MUSK: variants seen among roughly 807,000 people sequenced by gnomAD.
The protein encoded by MUSK is muscle associated receptor tyrosine kinase.
Under a neutral mutation model 88.7 loss-of-function variants are expected in MUSK, and 55 were observed. The observed-to-expected ratio is 0.62, with a 90% confidence interval of 0.50 to 0.78. The LOEUF (loss-of-function observed/expected upper bound fraction) is 0.78. MUSK is among the 30% of genes least tolerant of loss of function. The probability of loss-of-function intolerance (pLI) is 0.00; values close to 1 mark genes in which losing one functional copy is unlikely to be tolerated. For synonymous variants in MUSK, 387 were observed against 391.9 expected (o/e 0.99, Z 0.15); for missense variants, 1,015 against 1,074.3 (o/e 0.94, Z 0.77).
rs915555051 is a variant in MUSK at position 110,670,912 on chromosome 9, A to C, written c.79+1929A>C. The stretch of plus-strand genomic sequence containing the variant: ...GAAAGCATAATCCTTAAAATTTTAA[A>C]TGTTGAAGGGTGAGGAATACATTGG... On this transcript the variant is annotated intron_variant, in intron 1 of 14. Transcript: ENST00000374448. Among the ~76,000 whole-genome samples the C allele has an allele frequency of 5.9e-5, 9 of 152,252 alleles. No individual in the cohort carries two copies. The South Asian group carries it at 1.9e-3, about 32-fold the overall frequency.
Position 110,676,458 on chromosome 9 carries a change from C to T in MUSK, c.80-6216C>T, listed in dbSNP as rs568832345. On this transcript the variant is annotated intron_variant, in intron 1 of 14. Coordinates refer to ENST00000374448, the MANE Select transcript of MUSK (RefSeq NM_005592.4). ...TGTGCAGTTTTGTTACATAGGTAAA[C>T]GTGTGCCATGGTGGTTTGCTGCACC... is the stretch of plus-strand genomic sequence containing the variant. Among the ~76,000 whole-genome samples the T allele has an allele frequency of 1.5e-4, 22 of 151,286 alleles. 1 individual carries two copies. Among genetic ancestry groups the T allele is most frequent in the South Asian group, 2.1e-4 (1 of 4,764 alleles).
intron 6 of MUSK, among the ~76,000 whole-genome samples, chr9:110,741,393 C>A (rs10980549): frequency 0.13 from 20,022 of 151,946 alleles, 1,654 homozygotes; most frequent in East Asian, 0.31. Context: ...AAGCAGGGTG[C>A]CCTAGGAAGA....
At chr9:110,690,274 A>AT (rs1349136338) in intron 3 of MUSK, among the ~76,000 whole-genome samples, 2 of 87,410 alleles carry the variant, frequency 2.3e-5, no homozygotes, top group African/African-American at 1.2e-4. Context: ...ATTTAAGTAC[A>AT]AATATATAAA....
At chr9:110,743,672 G>A (rs2077132094) in intron 6 of MUSK, among the ~76,000 whole-genome samples, 1 of 152,102 alleles carries the variant, frequency 6.6e-6, no homozygotes, top group African/African-American at 2.4e-5. Context: ...TTCTTAAAGG[G>A]AGGCATATCT....
chr9:110,800,027 A>G (rs1199864526), intron 14 of MUSK, among the ~76,000 whole-genome samples: 1 of 152,164 alleles, frequency 6.6e-6, no homozygotes, highest in Non-Finnish European at 1.5e-5. Flanking sequence ...ACCATGTACG[A>G]TGTACTTATG....
intron 3 of MUSK, among the ~76,000 whole-genome samples, chr9:110,689,981 A>ATTAT (rs1564218733): frequency 1.4e-5 from 1 of 72,414 alleles, no homozygotes; most frequent in African/African-American, 6.2e-5. Flanking sequence ...TTATATTATA[A>ATTAT]ATATTATAAT....
chr9:110,713,848 T>C (rs1323922842), intron 5 of MUSK, among the ~76,000 whole-genome samples: 1 of 152,168 alleles, frequency 6.6e-6, no homozygotes, highest in East Asian at 1.9e-4. Context: ...GCAGGCATCT[T>C]CCAGAGCTTA....
In MUSK at chr9:110,775,741, T is replaced by C. The variant is rs755250965; in HGVS notation, c.1185-47T>C. 1.9e-6 allele frequency: 3 copies of C among 1,576,916 alleles called. No homozygotes were observed. The South Asian group carries it at 3.3e-5, about 17-fold the overall frequency. On this transcript the variant is annotated intron_variant, in intron 9 of 14. Coordinates refer to ENST00000374448, the MANE Select transcript of MUSK (RefSeq NM_005592.4). ...TTTAGGCTCTGCCACAAATTTGCTTTAACATGTAATGATTCATCAAGTTTT... is the reference window on the plus strand; with the variant it reads ...TTTAGGCTCTGCCACAAATTTGCTTCAACATGTAATGATTCATCAAGTTTT...
chr9:110,755,979 C>CGTATAT lies in MUSK; in HGVS notation c.914-6223_914-6222insGTATAT, dbSNP rs111630775. ...ATATATATATACATATATATATATA[C>CGTATAT]ATATATATATATATATATGAATTTA... On this transcript the variant is annotated intron_variant, in intron 7 of 14. Coordinates refer to ENST00000374448, the MANE Select transcript of MUSK (RefSeq NM_005592.4). Among the ~76,000 whole-genome samples, 603 of 102,510 alleles carry CGTATAT rather than the reference C, an allele frequency of 5.9e-3. 12 individuals are homozygous for CGTATAT. Among genetic ancestry groups the CGTATAT allele is most frequent in the Middle Eastern group, 0.021 (4 of 190 alleles). The allele number at this position is 102,510 out of a possible 152,430, so 67.3% of individuals were successfully genotyped here. A position where few individuals can be genotyped will look rare whatever the true frequency, so the allele number is the denominator to read the frequency against.
chr9:110,723,125 C>T (rs2076835709), intron 5 of MUSK, among the ~76,000 whole-genome samples: 1 of 151,860 alleles, frequency 6.6e-6, no homozygotes, highest in South Asian at 2.1e-4. Context: ...AATATAGAAC[C>T]AGCCCAAATG....
At position 110,731,788 on chromosome 9, in the gene MUSK, C is replaced by T. The variant is rs558388979; in HGVS notation, c.629-2463C>T. On this transcript the variant is annotated intron_variant, in intron 5 of 14. Coordinates refer to ENST00000374448, the MANE Select transcript of MUSK (RefSeq NM_005592.4). ...ACATTAGTTAAATTAATTCCAAAGT[C>T]ACGTTGAATTGACTCTGTTTTATTT... Among the ~76,000 whole-genome samples, 34 of 152,166 alleles carry T rather than the reference C, an allele frequency of 2.2e-4. 1 individual carries two copies. The South Asian group carries it at 7.1e-3, about 32-fold the overall frequency.
chr9:110,708,964 G>C (rs1210762003), intron 5 of MUSK, among the ~76,000 whole-genome samples: 1 of 152,104 alleles, frequency 6.6e-6, no homozygotes, highest in African/African-American at 2.4e-5. Flanking sequence ...TCAGTTTTCA[G>C]ATATTAAAAT....
intron 7 of MUSK, among the ~76,000 whole-genome samples, chr9:110,754,473 C>T (rs2077286599): frequency 6.6e-6 from 1 of 152,176 alleles, no homozygotes; most frequent in Non-Finnish European, 1.5e-5. Context: ...TTCCTCATCT[C>T]CTAGCCATAC....
intron 5 of MUSK, chr9:110,728,755 G>C: frequency 1.3e-6 from 2 of 1,522,838 alleles, no homozygotes; most frequent in Non-Finnish European, 8.8e-7. Flanking sequence ...CTTTTTAATT[G>C]TGTAGCTCTT....
intron 2 of MUSK, among the ~76,000 whole-genome samples, chr9:110,684,597 T>G (rs551060179): frequency 6.6e-6 from 1 of 152,240 alleles, no homozygotes; most frequent in Non-Finnish European, 1.5e-5. Flanking sequence ...ATATTGATTC[T>G]TCCAATCCAT....
intron 5 of MUSK, among the ~76,000 whole-genome samples, chr9:110,706,852 A>T (rs1449143457): frequency 6.6e-6 from 1 of 152,076 alleles, no homozygotes; most frequent in Non-Finnish European, 1.5e-5. Flanking sequence ...AAAAATACAA[A>T]AATTAGCCGG....
At position 110,745,424 on chromosome 9, in the gene MUSK, A is replaced by G. The variant is rs183505044; in HGVS notation, c.754-2217A>G. 1.8e-4 allele frequency among the ~76,000 whole-genome samples: 28 copies of G among 152,358 alleles called. No homozygotes were observed. In the East Asian group the frequency reaches 5.0e-3, roughly 27 times the overall value. ...AACTGTCTTTCCAAAGGATTTTGCA[A>G]ACTGTTCTGCTTTTGCTTATCTAAA... On this transcript the variant is annotated intron_variant, in intron 6 of 14. Transcript: ENST00000374448.
At chr9:110,701,690 CTT>C (rs1433311389) in intron 5 of MUSK, among the ~76,000 whole-genome samples, 1,430 of 5,976 alleles carry the variant, frequency 0.24, 203 homozygotes, top group Non-Finnish European at 0.28. Flanking sequence ...TTTTACTTTA[CTT>C]TATTTTATTT....
chr9:110,690,199 T>C (rs374305650), intron 3 of MUSK, among the ~76,000 whole-genome samples: 1 of 22,138 alleles, frequency 4.5e-5, no homozygotes, highest in Admixed American at 4.5e-4. Flanking sequence ...TATATATAAA[T>C]ATATATAAAT....
Sources: allele counts gnomAD v4.1 joint callset (sites outside exome capture counted in the v4.1 genomes callset), GRCh38; gene constraint gnomAD v4.1.1; transcripts MANE v1.5; gene names NCBI Gene and HGNC (gene_info 2026-07-23, HGNC 2026-07-21).